The following SIPA1L1 variants were observed in gnomAD, a reference collection of about 807,000 sequenced individuals.
The protein encoded by SIPA1L1 is signal induced proliferation associated 1 like 1.
A neutral mutation model predicts 162.7 loss-of-function variants in SIPA1L1; 26 were observed. That is an observed-to-expected ratio of 0.16 (90% CI 0.12 to 0.22). The LOEUF is 0.22. SIPA1L1 is among the 10% of genes least tolerant of loss of function. The probability of loss-of-function intolerance (pLI) is 1.00; values close to 1 mark genes in which losing one functional copy is unlikely to be tolerated. For synonymous variants in SIPA1L1, 829 were observed against 837.4 expected (o/e 0.99, Z 0.17); for missense variants, 1,874 against 2,241.0 (o/e 0.84, Z 3.31).
At chr14:71,491,179 A>T (rs1476478567) in intron 2 of SIPA1L1, among the ~76,000 whole-genome samples, 1 of 152,224 alleles carries the variant, frequency 6.6e-6, no homozygotes, top group Non-Finnish European at 1.5e-5. Flanking sequence ...GATTTTCAAG[A>T]GTCTCTTTAA....
At chr14:71,433,450 G>A (rs2044149466) in intron 2 of SIPA1L1, among the ~76,000 whole-genome samples, 1 of 152,164 alleles carries the variant, frequency 6.6e-6, no homozygotes, top group Non-Finnish European at 1.5e-5. Context: ...CTGAGTAGCT[G>A]GGACTATGGG....
intron 4 of SIPA1L1, among the ~76,000 whole-genome samples, chr14:71,542,729 C>T (rs546334024): frequency 1.2e-3 from 167 of 145,004 alleles, no homozygotes; most frequent in Non-Finnish European, 2.0e-3. Context: ...TCCTCCTCCT[C>T]CTCCTTCTTC....
intron 3 of SIPA1L1, among the ~76,000 whole-genome samples, chr14:71,522,622 G>T (rs1329651400): frequency 1.3e-5 from 2 of 152,038 alleles, no homozygotes; most frequent in South Asian, 4.2e-4. Flanking sequence ...GATTTGGAAT[G>T]CTCAAGTGGC....
At chr14:71,495,680 A>G (rs1421965639) in intron 2 of SIPA1L1, among the ~76,000 whole-genome samples, 1 of 151,324 alleles carries the variant, frequency 6.6e-6, no homozygotes, top group African/African-American at 2.4e-5. Flanking sequence ...GCTTGGGGTT[A>G]CTTTACTGTT....
intron 22 of SIPA1L1, among the ~76,000 whole-genome samples, chr14:71,736,413 C>G (rs996326964): frequency 1.3e-5 from 2 of 152,078 alleles, no homozygotes; most frequent in African/African-American, 4.8e-5. Context: ...AAGGAAAAAA[C>G]CTTTCAAGGG....
At chr14:71,355,589 T>G (rs1025197803) in intron 2 of SIPA1L1, among the ~76,000 whole-genome samples, 1 of 152,242 alleles carries the variant, frequency 6.6e-6, no homozygotes, top group African/African-American at 2.4e-5. Context: ...AAAATGATGT[T>G]TATTGTATCC....
chr14:71,599,767 A>G (rs1298026013), intron 5 of SIPA1L1, among the ~76,000 whole-genome samples: 1 of 152,056 alleles, frequency 6.6e-6, no homozygotes, highest in Non-Finnish European at 1.5e-5. Flanking sequence ...CTGCATCTTC[A>G]CCAACATCTG....
chr14:71,527,122 G>C (rs1369043678), intron 3 of SIPA1L1, among the ~76,000 whole-genome samples: 1 of 151,934 alleles, frequency 6.6e-6, no homozygotes, highest in South Asian at 2.1e-4. Context: ...TTATATGCTT[G>C]TTAGCCATTT....
At chr14:71,387,411 G>A (rs1241284015) in intron 2 of SIPA1L1, among the ~76,000 whole-genome samples, 2 of 152,112 alleles carry the variant, frequency 1.3e-5, no homozygotes, top group Non-Finnish European at 2.9e-5. Context: ...AGGAGTTCAA[G>A]GCTGCAGTGA....
intron 12 of SIPA1L1, among the ~76,000 whole-genome samples, chr14:71,680,438 G>A (rs937431472): frequency 1.3e-5 from 2 of 152,162 alleles, no homozygotes; most frequent in African/African-American, 4.8e-5. Context: ...TGTGTAGAGG[G>A]AAACTTATAG....
chr14:71,443,586 C>G (rs2045099729), intron 2 of SIPA1L1, among the ~76,000 whole-genome samples: 1 of 152,116 alleles, frequency 6.6e-6, no homozygotes, highest in Non-Finnish European at 1.5e-5. Context: ...GGAAAACCAA[C>G]AAGTGTGCTT....
intron 13 of SIPA1L1, among the ~76,000 whole-genome samples, chr14:71,697,440 T>A (rs2081730313): frequency 6.6e-6 from 1 of 152,174 alleles, no homozygotes; most frequent in Non-Finnish European, 1.5e-5. Context: ...ACTAGACACA[T>A]GACTTGCAGT....
chr14:71,465,031 G>A (rs903905429), intron 2 of SIPA1L1, among the ~76,000 whole-genome samples: 3 of 152,144 alleles, frequency 2.0e-5, no homozygotes, highest in African/African-American at 4.8e-5. Flanking sequence ...TCAGACAAGG[G>A]TGGAAAGGCT....
chr14:71,636,901 A>C (rs1458671927), intron 7 of SIPA1L1, among the ~76,000 whole-genome samples: 4 of 151,876 alleles, frequency 2.6e-5, no homozygotes, highest in Middle Eastern at 3.2e-3. Context: ...ACATACAAAA[A>C]TTAGCCGGGC....
intron 19 of SIPA1L1, among the ~76,000 whole-genome samples, chr14:71,725,333 G>A (rs977094164): frequency 6.6e-6 from 1 of 152,162 alleles, no homozygotes; most frequent in Non-Finnish European, 1.5e-5. Context: ...ATAGACAGTC[G>A]CTCTCATTGC....
chr14:71,698,907 T>TA (rs2081868111), intron 13 of SIPA1L1, 74 bp from the exon 14 acceptor site: 7 of 1,479,042 alleles, frequency 4.7e-6, no homozygotes, highest in Non-Finnish European at 6.6e-6. Flanking sequence ...ATTTATATGA[T>TA]ATTATCCATC....
intron 2 of SIPA1L1, among the ~76,000 whole-genome samples, chr14:71,495,958 C>T (rs932577595): frequency 6.8e-6 from 1 of 148,132 alleles, no homozygotes; most frequent in Non-Finnish European, 1.5e-5. Context: ...ATGGCATGTG[C>T]CTGTGGTCCC....
At chr14:71,672,000 C>T (rs1026474978) in intron 11 of SIPA1L1, among the ~76,000 whole-genome samples, 29 of 151,168 alleles carry the variant, frequency 1.9e-4, no homozygotes, top group African/African-American at 6.6e-4. Flanking sequence ...GCAGTCCAGT[C>T]ATCTGGTGGT....
chr14:71,701,397 T>C (rs897233132), intron 14 of SIPA1L1, among the ~76,000 whole-genome samples: 3 of 151,938 alleles, frequency 2.0e-5, no homozygotes, highest in African/African-American at 7.3e-5. Context: ...TTTTTTTTTT[T>C]TTTGTGGAGC....
Sources: allele counts gnomAD v4.1 joint callset (sites outside exome capture counted in the v4.1 genomes callset), GRCh38; gene constraint gnomAD v4.1.1; transcripts MANE v1.5; gene names NCBI Gene and HGNC (gene_info 2026-07-23, HGNC 2026-07-21).